NOC2L: variants seen among roughly 807,000 people sequenced by gnomAD.
The protein encoded by NOC2L is nucleolar complex protein 2 homolog.
A neutral mutation model predicts 94.2 loss-of-function variants in NOC2L; 101 were observed. The ratio of observed to expected loss-of-function variants is 1.07; its 90% CI spans 0.91 to 1.26. The LOEUF is 1.26. NOC2L is among the 50% of genes most tolerant of loss of function. NOC2L has a pLI of 0.00. For missense variants in NOC2L, 1,076 were observed against 980.1 expected (o/e 1.10, Z -1.31); for synonymous variants, 531 against 413.4 (o/e 1.28, Z -3.45).
At chr1:953,395 C>T in intron 8 of NOC2L, 107 bp from the exon 9 acceptor site, 1 of 691,038 alleles carries the variant, frequency 1.4e-6, no homozygotes, top group South Asian at 1.7e-5. Flanking sequence ...TGGCCACCAG[C>T]TCTTCCCAAA....
In NOC2L at chr1:946,209, G is replaced by A. The variant is rs112072809; in HGVS notation, c.1881C>T (p.Asp627=). The change falls in exon 16 of 19, where the codon GAC becomes GAT. Residue 627 remains aspartate, a synonymous_variant. Transcript: ENST00000327044. ...LYYSHWRKLR[D]REIQLEISGK... is the part of the protein sequence containing the mutation. ...CACTGATCTCCAGCTGGATCTCCCG[G>A]TCACGCAGCTTGCGCCAGTGGCTGT... 1.9e-5 allele frequency: 30 copies of A among 1,613,520 alleles called. No individual in the cohort carries two copies. In the African/African-American group the frequency reaches 2.8e-4, roughly 15 times the overall value.
Position 957,016 on chromosome 1 carries a change from C to T in NOC2L, c.364G>A (p.Glu122Lys), listed in dbSNP as rs1642422257. 6.2e-7 allele frequency: 1 copy of T among 1,614,110 alleles called. No homozygotes were observed. The highest frequency in any genetic ancestry group is 1.1e-5 in the South Asian group (1 of 91,092). ...SLPDVLEEASEEEDGAEEGED... is the reference protein window; with the variant it reads ...SLPDVLEEASKEEDGAEEGED... ...CCTTCCTCCGCTCCATCCTCCTCCT[C>T]ACTGGCTTCCTGCACAGAAAGGCTG... The change falls in exon 4 of 19, where the codon GAG becomes AAG. Residue 122 changes from glutamate to lysine, a missense_variant. Coordinates refer to ENST00000327044, the MANE Select transcript of NOC2L (RefSeq NM_015658.4).
rs184786138 is a variant in NOC2L, at chr1:953,184, G to A, written c.993C>T (p.Pro331=). Residue 331 remains proline (P), a synonymous_variant, in exon 9 of 19, where the codon CCC becomes CCT. Transcript: ENST00000327044. ...CRHKKDTFLG[P]VLKQMYITYV... ...CAGGGCCCACCACTACCTTGAGGACGGGGCCAAGGAAAGTGTCCTTCTTGT... is the reference window on the plus strand; with the variant it reads ...CAGGGCCCACCACTACCTTGAGGACAGGGCCAAGGAAAGTGTCCTTCTTGT... 1.8e-5 allele frequency: 29 copies of A among 1,611,322 alleles called. No individual in the cohort carries two copies. The highest frequency in any genetic ancestry group is 3.3e-5 in the South Asian group (3 of 91,018).
At chr1:958,010 C>T (rs1642461964) in intron 2 of NOC2L, 2 of 152,394 alleles carry the variant, frequency 1.3e-5, no homozygotes, top group Admixed American at 6.5e-5. Context: ...TGTGTGGCCT[C>T]CTTGTTCGAG....
chr1:945,865 G>C (rs112519684), intron 16 of NOC2L, among the ~76,000 whole-genome samples: 1 of 152,184 alleles, frequency 6.6e-6, no homozygotes, highest in Non-Finnish European at 1.5e-5. Flanking sequence ...CGGGCCCCTG[G>C]TGCCCACATA....
At chr1:958,439 A>G (rs1018177926) in intron 2 of NOC2L, 39 of 331,440 alleles carry the variant, frequency 1.2e-4, no homozygotes, top group Non-Finnish European at 2.0e-4. Context: ...TAGTAGAGAC[A>G]TGATTTTTCC....
intron 4 of NOC2L, among the ~76,000 whole-genome samples, 189 bp downstream of exon 4, chr1:956,705 A>C (rs1642413042): frequency 6.6e-6 from 1 of 152,208 alleles, no homozygotes; most frequent in Non-Finnish European, 1.5e-5. Flanking sequence ...GCGCTGAAGA[A>C]GGCTCCAAGC....
intron 14 of NOC2L, 84 bp downstream of exon 14, chr1:948,047 G>T: frequency 9.0e-7 from 1 of 1,105,248 alleles, no homozygotes; most frequent in Non-Finnish European, 1.3e-6. Context: ...CCGGGACAAG[G>T]GCACCTCCTA....
chr1:952,069 G>A lies in NOC2L; in HGVS notation c.1262C>T (p.Thr421Ile). ...CLFLWCRVLS[T>I]AGPSEALQPL... ...CTGGAGGGCTTCGCTGGGGCCCGCA[G>A]TGCTCAGGACCCGGCACCACAGGAA... Residue 421 changes from threonine to isoleucine, a missense_variant, in exon 11 of 19, where the codon ACT becomes ATT. Transcript: ENST00000327044. 3 of 1,613,738 alleles carry A rather than the reference G, an allele frequency of 1.9e-6. No individual in the cohort carries two copies. The highest frequency in any genetic ancestry group is 2.5e-6 in the Non-Finnish European group (3 of 1,179,972).
chr1:945,162 C>G lies in NOC2L; in HGVS notation c.2054-16G>C. ...CTCAGTATCCCTGAGGAACAAGAAG[C>G]AGAGTCCATATGACTCCCACCCACA... is the stretch of plus-strand genomic sequence containing the variant. On this transcript the variant is annotated splice_polypyrimidine_tract_variant and intron_variant, in intron 17 of 18. Coordinates refer to ENST00000327044, the MANE Select transcript of NOC2L (RefSeq NM_015658.4). 1 of 1,584,708 alleles carries G rather than the reference C, an allele frequency of 6.3e-7. No individual in the cohort carries two copies.
At chr1:949,649 C>T (rs1210725473) in intron 12 of NOC2L, among the ~76,000 whole-genome samples, 3 of 152,186 alleles carry the variant, frequency 2.0e-5, no homozygotes, top group Admixed American at 6.5e-5. Flanking sequence ...TAAGAAAGCA[C>T]GTAGCCAAGG....
intron 11 of NOC2L, 82 bp downstream of exon 11, chr1:951,917 AC>A: frequency 6.7e-7 from 1 of 1,494,028 alleles, no homozygotes; most frequent in Non-Finnish European, 9.1e-7. Context: ...AAGGCCCTGA[AC>A]GCCAGAGGCA....
chr1:954,272 G>A, intron 6 of NOC2L, 190 bp from the exon 7 acceptor site: 2 of 561,234 alleles, frequency 3.6e-6, no homozygotes, highest in Middle Eastern at 3.4e-4. Flanking sequence ...ACCCTCTCAA[G>A]TGCATTAGCT....
intron 17 of NOC2L, 36 bp from the exon 18 acceptor site, chr1:945,182 C>T: frequency 6.4e-7 from 1 of 1,557,080 alleles, no homozygotes; most frequent in South Asian, 1.2e-5. Flanking sequence ...ATGACTCCCA[C>T]CCACAGGGTC....
At chr1:953,481 G>C (rs577345272) in intron 8 of NOC2L, among the ~76,000 whole-genome samples, 193 bp from the exon 9 acceptor site, 2 of 152,382 alleles carry the variant, frequency 1.3e-5, no homozygotes, top group South Asian at 4.1e-4. Flanking sequence ...CTTGTGAGAA[G>C]AGGACCACAA....
intron 2 of NOC2L, chr1:958,727 A>G: frequency 7.0e-6 from 5 of 711,582 alleles, no homozygotes; most frequent in Non-Finnish European, 1.3e-5. Context: ...TCACCAACAT[A>G]CGCTCCCTGC....
rs1332700559 is a variant in NOC2L at position 952,428 on chromosome 1, A to G, written c.1175T>C (p.Met392Thr). 76 of 1,613,456 alleles carry G rather than the reference A, an allele frequency of 4.7e-5. No homozygotes were observed. Among genetic ancestry groups the G allele is most frequent in the Non-Finnish European group, 6.4e-5 (75 of 1,179,922 alleles). Reference sequence around the variant, plus strand: ...ACCACACACCTTCTTGCGAGTGGTCATGGCGTTGCGCAGGTGTATGGCGAG... The same window carrying G: ...ACCACACACCTTCTTGCGAGTGGTCGTGGCGTTGCGCAGGTGTATGGCGAG... ...RQLAIHLRNA[M>T]TTRKKETYQS... Residue 392 changes from methionine to threonine, a missense_variant, in exon 10 of 19, where the codon ATG (methionine) becomes ACG (threonine). Coordinates refer to ENST00000327044, the MANE Select transcript of NOC2L (RefSeq NM_015658.4).
In NOC2L at chr1:957,148, C is replaced by G; in HGVS notation, c.305G>C (p.Ser102Thr). The change falls in exon 3 of 19, where the codon AGC (serine) becomes ACC (threonine). Residue 102 changes from serine to threonine, a missense_variant. Ser to Thr is a moderately conservative substitution (Grantham distance 58, BLOSUM62 1). This residue lies in a region of NOC2L where 457 missense variants were observed against 386.0 expected (regional missense o/e 1.18). Transcript: ENST00000327044. ...QSLLNFSDSD[S>T]SEEEEGPFHS... ...GAACGGCCCCTCTTCCTCCTCAGAG[C>G]TGTCCGAGTCGCTGAAGTTTAGCAG... 1 of 1,614,108 alleles carries G rather than the reference C, an allele frequency of 6.2e-7. No homozygotes were observed. Among genetic ancestry groups the G allele is most frequent in the Non-Finnish European group, 8.5e-7 (1 of 1,180,038 alleles).
At position 958,966 on chromosome 1, in the gene NOC2L, G is replaced by C; in HGVS notation, c.142C>G (p.Arg48Gly). Reference protein sequence around the residue: ...AETREAREAARSPDKPGGSPS... With the variant: ...AETREAREAAGSPDKPGGSPS... ...CTCCCGCCCGGCTTATCCGGACTCCGGGCAGCCTCGCGTGCTTCCCGTGTC... is the reference window on the plus strand; with the variant it reads ...CTCCCGCCCGGCTTATCCGGACTCCCGGCAGCCTCGCGTGCTTCCCGTGTC... The change falls in exon 2 of 19, where the codon CGG (arginine) becomes GGG (glycine). Residue 48 changes from arginine (R) to glycine (G), a missense_variant. Physicochemically the swap from Arg to Gly is moderately radical, Grantham distance 125. Coordinates refer to ENST00000327044, the MANE Select transcript of NOC2L (RefSeq NM_015658.4). The C allele has an allele frequency of 1.2e-6, 2 of 1,612,732 alleles. No homozygotes were observed. Among genetic ancestry groups the C allele is most frequent in the South Asian group, 1.1e-5 (1 of 91,086 alleles).
Sources: allele counts gnomAD v4.1 joint callset (sites outside exome capture counted in the v4.1 genomes callset), GRCh38; gene constraint gnomAD v4.1.1; regional missense constraint gnomAD v4.1.1; transcripts MANE v1.5; gene names NCBI Gene and HGNC (gene_info 2026-07-23, HGNC 2026-07-21).